Variants in SYNE1 observed in about 807,000 individuals in gnomAD.
The protein encoded by SYNE1 is nesprin-1.
Under a neutral mutation model 1,111.0 loss-of-function variants are expected in SYNE1, and 616 were observed. The ratio of observed to expected loss-of-function variants is 0.55; its 90% confidence interval spans 0.52 to 0.59. The LOEUF (loss-of-function observed/expected upper bound fraction) is 0.59, where lower values mean the gene tolerates loss of function less well. SYNE1 is among the 20% of genes least tolerant of loss of function. The probability of loss-of-function intolerance (pLI) is 0.00; values close to 1 mark genes in which losing one functional copy is unlikely to be tolerated. For missense variants in SYNE1, 10,006 were observed against 10,417.0 expected (o/e 0.96, Z 1.72); for synonymous variants, 3,855 against 3,825.8 (o/e 1.01, Z -0.28).
intron 8 of SYNE1, among the ~76,000 whole-genome samples, chr6:152,509,171 T>A (rs1341460875): frequency 6.6e-6 from 1 of 151,992 alleles, no homozygotes; most frequent in African/African-American, 2.4e-5. Flanking sequence ...AAAATACTTA[T>A]ATAATCAACT....
chr6:152,588,812 C>A (rs1237947019), intron 3 of SYNE1, among the ~76,000 whole-genome samples: 16 of 152,254 alleles, frequency 1.1e-4, no homozygotes, highest in African/African-American at 3.9e-4. Flanking sequence ...GGACACCCTG[C>A]AAAGGCCCAT....
At chr6:152,448,166 C>G (rs1160849552) in intron 28 of SYNE1, among the ~76,000 whole-genome samples, 1 of 152,146 alleles carries the variant, frequency 6.6e-6, no homozygotes, top group Non-Finnish European at 1.5e-5. Context: ...TCCCATATAG[C>G]AAGAAGTATA....
Position 152,301,864 on chromosome 6 carries a change from C to T in SYNE1, c.17541+5G>A. 1.2e-6 allele frequency: 2 copies of T among 1,609,224 alleles called. No homozygotes were observed. The highest frequency in any genetic ancestry group is 1.7e-6 in the Non-Finnish European group (2 of 1,176,470). ...CAAAGCCGCGGGGACCCACTGGATC[C>T]TTACCATGACCACAGAGGGGTGGGC... On this transcript the variant is annotated splice_donor_5th_base_variant and intron_variant, in intron 92 of 145. Coordinates refer to ENST00000367255, the MANE Select transcript of SYNE1 (RefSeq NM_182961.4).
Position 152,387,325 on chromosome 6 carries a change from A to G in SYNE1, c.8234T>C (p.Leu2745Ser), listed in dbSNP as rs1225958139. 1 of 1,614,212 alleles carries G rather than the reference A, an allele frequency of 6.2e-7. No individual in the cohort carries two copies. The change falls in exon 54 of 146, where the codon TTG becomes TCG. Residue 2745 changes from leucine (L) to serine (S), a missense_variant. This residue lies in a region of SYNE1 where 4,955 missense variants were observed against 5,017.2 expected (regional missense o/e 0.99). Coordinates refer to ENST00000367255, the MANE Select transcript of SYNE1 (RefSeq NM_182961.4). ...ATCCACTGATTCCATCCACTGCTCC[A>G]ACTGGTTTTTCCTCTCTACATAGTC... ...WNDYVERKNQ[L>S]EQWMESVDQK...
rs778836148 is a variant in SYNE1 at position 152,326,509 on chromosome 6, C to T, written c.15080G>A (p.Ser5027Asn). ...GTGGCTTTTGAGATTTTCCTCTGCG[C>T]TCTCCACGTCTAGGCCATTGCCTGC... ...QLAGNGLDVE[S>N]AEENLKSHME... The change falls in exon 79 of 146, where the codon AGC (serine) becomes AAC (asparagine). Residue 5027 changes from serine (S) to asparagine (N), a missense_variant. By Grantham distance (46) the Ser-to-Asn change is conservative. Around this residue, in one of 7 missense-constraint regions of SYNE1, gnomAD observed 4,955 missense variants for 5,017.2 expected, o/e 0.99. Coordinates refer to ENST00000367255, the MANE Select transcript of SYNE1 (RefSeq NM_182961.4). 6 of 1,614,106 alleles carry T rather than the reference C, an allele frequency of 3.7e-6. No homozygotes were observed. In the East Asian group the frequency reaches 1.1e-4, roughly 30 times the overall value.
intron 131 of SYNE1, among the ~76,000 whole-genome samples, chr6:152,160,395 T>C (rs1208490858): frequency 6.6e-6 from 1 of 152,180 alleles, no homozygotes; most frequent in Non-Finnish European, 1.5e-5. Context: ...ACATCCCTCC[T>C]AGAGCACCCA....
intron 87 of SYNE1, chr6:152,316,644 G>A (rs559574378): frequency 4.9e-6 from 3 of 608,408 alleles, no homozygotes; most frequent in South Asian, 2.0e-5. Context: ...GGAAGATCAA[G>A]GATATTTATT....
intron 8 of SYNE1, among the ~76,000 whole-genome samples, chr6:152,506,820 A>T (rs2099060699): frequency 6.6e-6 from 1 of 152,090 alleles, no homozygotes. Context: ...CAAGTGATCC[A>T]CCTGCCTCGG....
chr6:152,264,877 G>A (rs2092514709), intron 100 of SYNE1, among the ~76,000 whole-genome samples: 1 of 152,004 alleles, frequency 6.6e-6, no homozygotes, highest in Non-Finnish European at 1.5e-5. Flanking sequence ...TTTCCCATCT[G>A]AGAGACATGT....
Position 152,413,417 on chromosome 6 carries a change from T to C in SYNE1, c.6165A>G (p.Glu2055=). The C allele has an allele frequency of 1.2e-6, 2 of 1,614,180 alleles. No individual in the cohort carries two copies. The highest frequency in any genetic ancestry group is 1.7e-6 in the Non-Finnish European group (2 of 1,180,016). The change falls in exon 42 of 146, where the codon GAA becomes GAG. Residue 2055 remains glutamate (E), a synonymous_variant. Transcript: ENST00000367255. ...CTAAGCGGTTTATCTCCCTGTCAAC[T>C]TCAGGTGCAAAAGCTACATCTTTCT... ...IAQKDVAFAP[E]VDREINRLEV...
chr6:152,334,070 G>C lies in SYNE1; in HGVS notation c.12732C>G (p.Asp4244Glu), dbSNP rs1218108403. The C allele has an allele frequency of 6.2e-7, 1 of 1,614,160 alleles. No individual in the cohort carries two copies. The highest frequency in any genetic ancestry group is 1.7e-5 in the Admixed American group (1 of 60,010). ...GGAACACTTCAACAACATTCATACA[G>C]TCATGGTAATCTCTTGTTCTCTGAA... is the stretch of plus-strand genomic sequence containing the variant. ...EDLQRTRDYH[D>E]CMNVVEVFLE... The change falls in exon 77 of 146, where the codon GAC becomes GAG. Residue 4244 changes from aspartate to glutamate, a missense_variant. This residue lies in a region of SYNE1 where 4,955 missense variants were observed against 5,017.2 expected (regional missense o/e 0.99). Coordinates refer to ENST00000367255, the MANE Select transcript of SYNE1 (RefSeq NM_182961.4).
Position 152,395,512 on chromosome 6 carries a change from A to T in SYNE1, c.7712+4T>A. The T allele has an allele frequency of 6.2e-7, 1 of 1,613,352 alleles. No homozygotes were observed. The highest frequency in any genetic ancestry group is 8.5e-7 in the Non-Finnish European group (1 of 1,179,598). On this transcript the variant is annotated splice_donor_region_variant and intron_variant, in intron 51 of 145. Coordinates refer to ENST00000367255, the MANE Select transcript of SYNE1 (RefSeq NM_182961.4). Reference sequence around the variant, plus strand: ...AAAGGACCTGTTCCATTTCTGGACCATACCTTGCAGCCAGCAGTTCTCCCA... The same window carrying T: ...AAAGGACCTGTTCCATTTCTGGACCTTACCTTGCAGCCAGCAGTTCTCCCA...
intron 10 of SYNE1, among the ~76,000 whole-genome samples, chr6:152,502,309 C>G (rs1463856502): frequency 6.6e-6 from 1 of 152,140 alleles, no homozygotes; most frequent in Non-Finnish European, 1.5e-5. Context: ...TCTAGATGTG[C>G]AAATGCTATG....
intron 24 of SYNE1, 143 bp downstream of exon 24, chr6:152,455,283 G>T: frequency 1.3e-6 from 1 of 795,916 alleles, no homozygotes; most frequent in Non-Finnish European, 1.9e-6. Flanking sequence ...ATATCTTTGG[G>T]TCTCATACCT....
chr6:152,514,699 C>T (rs946908982), intron 6 of SYNE1, among the ~76,000 whole-genome samples: 2 of 151,700 alleles, frequency 1.3e-5, no homozygotes, highest in Non-Finnish European at 2.9e-5. Flanking sequence ...ATTGATCTTC[C>T]TCTCTACACT....
At chr6:152,628,614 T>G (rs1215229494) in intron 2 of SYNE1, 60 bp from the exon 3 acceptor site, 4 of 421,218 alleles carry the variant, frequency 9.5e-6, no homozygotes, top group Non-Finnish European at 1.7e-5. Context: ...GTCACCACAG[T>G]GCTAAAAGGA....
At chr6:152,149,245 A>G (rs2152890965) in intron 136 of SYNE1, among the ~76,000 whole-genome samples, 1 of 152,344 alleles carries the variant, frequency 6.6e-6, no homozygotes, top group Admixed American at 6.5e-5. Context: ...AATCCTTTGT[A>G]CAGGGTAGTT....
chr6:152,168,156 A>T (rs1478350908), intron 130 of SYNE1: 1 of 778,076 alleles, frequency 1.3e-6, no homozygotes. Context: ...GCATCCACAC[A>T]GCTGTCCTCT....
chr6:152,556,877 G>C (rs1489849851), intron 3 of SYNE1, among the ~76,000 whole-genome samples: 9 of 152,170 alleles, frequency 5.9e-5, no homozygotes, highest in Non-Finnish European at 4.4e-5. Flanking sequence ...ATAGGCACCA[G>C]CTCAAGGCCA....
Sources: allele counts gnomAD v4.1 joint callset (sites outside exome capture counted in the v4.1 genomes callset), GRCh38; gene constraint gnomAD v4.1.1; regional missense constraint gnomAD v4.1.1; transcripts MANE v1.5; gene names NCBI Gene and HGNC (gene_info 2026-07-23, HGNC 2026-07-21).